LRCH3: variants seen among roughly 807,000 people sequenced by gnomAD.
LRCH3 encodes DISP complex protein LRCH3.
In LRCH3, 68 loss-of-function variants were observed where a neutral mutation model predicts 104.5. The observed-to-expected ratio is 0.65, with a 90% CI of 0.54 to 0.80. LRCH3 has a LOEUF of 0.80. Among genes scored for constraint, LRCH3 ranks in the 30% least tolerant of loss-of-function variants. LRCH3 has a pLI of 0.00. For missense variants in LRCH3, 951 were observed against 953.9 expected (o/e 1.00, Z 0.04); for synonymous variants, 344 against 361.3 (o/e 0.95, Z 0.54).
At chr3:197,808,742 A>G (rs1397621712) in intron 1 of LRCH3, among the ~76,000 whole-genome samples, 1 of 151,690 alleles carries the variant, frequency 6.6e-6, no homozygotes, top group East Asian at 2.0e-4. Flanking sequence ...GCGAAACCCC[A>G]TCTCTCCAAA....
At chr3:197,829,900 G>C (rs541087087) in intron 6 of LRCH3, among the ~76,000 whole-genome samples, 1 of 152,300 alleles carries the variant, frequency 6.6e-6, no homozygotes, top group African/African-American at 2.4e-5. Context: ...ATAATTCTTT[G>C]TTGTGATGGG....
chr3:197,793,437 G>C (rs778243178), intron 1 of LRCH3, among the ~76,000 whole-genome samples: 1 of 152,158 alleles, frequency 6.6e-6, no homozygotes, highest in Admixed American at 6.5e-5. Context: ...TCCTGCTTCT[G>C]TTTAGGAGAT....
intron 20 of LRCH3, among the ~76,000 whole-genome samples, chr3:197,879,217 C>A (rs1157601091): frequency 6.6e-6 from 1 of 152,078 alleles, no homozygotes; most frequent in Non-Finnish European, 1.5e-5. Flanking sequence ...ATGTCTGTCT[C>A]CCTGTTGTCA....
chr3:197,815,990 TAC>T (rs1733750885), intron 2 of LRCH3, among the ~76,000 whole-genome samples: 1 of 152,230 alleles, frequency 6.6e-6, no homozygotes, highest in Admixed American at 6.5e-5. Flanking sequence ...TATTTTGTTG[TAC>T]AGTTTATATA....
intron 5 of LRCH3, 121 bp from the exon 6 acceptor site, chr3:197,829,443 G>C: frequency 1.8e-6 from 1 of 552,296 alleles, no homozygotes; most frequent in South Asian, 2.9e-5. Context: ...AAATATTACT[G>C]TATGTACTTG....
In LRCH3 at chr3:197,835,877, A is replaced by G. The variant is rs1736722974; in HGVS notation, c.1251+55A>G. On this transcript the variant is annotated intron_variant, in intron 9 of 20. Transcript: ENST00000425562. ...TGCTATCCCTTCATAAAAATAATTC[A>G]TAATAGTATAAAGTTTTGTTATATC... 15 of 1,575,658 alleles carry G rather than the reference A, an allele frequency of 9.5e-6. No homozygotes were observed. In the South Asian group the frequency reaches 1.4e-4, roughly 14 times the overall value.
At chr3:197,830,312 G>T (rs112144021) in intron 6 of LRCH3, among the ~76,000 whole-genome samples, 2 of 152,164 alleles carry the variant, frequency 1.3e-5, no homozygotes, top group African/African-American at 2.4e-5. Context: ...AAACTCCTGA[G>T]CTCAAGCATT....
At chr3:197,824,104 G>A (rs1169898618) in intron 4 of LRCH3, among the ~76,000 whole-genome samples, 4 of 149,638 alleles carry the variant, frequency 2.7e-5, no homozygotes, top group African/African-American at 7.4e-5. Flanking sequence ...TTGCTCTGTC[G>A]CCCAGGCTGG....
intron 11 of LRCH3, 118 bp downstream of exon 11, chr3:197,847,578 A>G (rs1738919433): frequency 8.4e-6 from 7 of 832,802 alleles, no homozygotes; most frequent in Middle Eastern, 3.6e-4. Context: ...AGCTGTCTCA[A>G]TCGATTAATA....
At chr3:197,806,783 C>T (rs1732533874) in intron 1 of LRCH3, among the ~76,000 whole-genome samples, 1 of 150,724 alleles carries the variant, frequency 6.6e-6, no homozygotes, top group South Asian at 2.1e-4. Context: ...AACTCCTGAC[C>T]TCAAGTGATC....
intron 10 of LRCH3, among the ~76,000 whole-genome samples, chr3:197,843,722 GTTTACTT>G (rs1462761473): frequency 1.2e-4 from 18 of 152,118 alleles, no homozygotes; most frequent in African/African-American, 3.9e-4. Flanking sequence ...TAAAAGTCTG[GTTTACTT>G]AGCTCAAGTA....
rs79593046 is a variant in LRCH3 at position 197,837,271 on chromosome 3, T to C, written c.1251+1449T>C. On this transcript the variant is annotated intron_variant, in intron 9 of 20. Coordinates refer to ENST00000425562, the MANE Select transcript of LRCH3 (RefSeq NM_001365715.1). Reference sequence around the variant, plus strand: ...TTTTCCTGGTCTTTCTCTTTGATCATGTTATGGTTACTTAGGCTGTATAAA... The same window carrying C: ...TTTTCCTGGTCTTTCTCTTTGATCACGTTATGGTTACTTAGGCTGTATAAA... Among the ~76,000 whole-genome samples the C allele has an allele frequency of 2.3e-3, 345 of 152,346 alleles. 2 individuals carry two copies. The highest frequency in any genetic ancestry group is 7.9e-3 in the African/African-American group (327 of 41,578).
At chr3:197,877,471 CCAACTCACCGCACCCATGG>C (rs2109554653) in intron 20 of LRCH3, among the ~76,000 whole-genome samples, 6 of 85,660 alleles carry the variant, frequency 7.0e-5, no homozygotes, top group African/African-American at 1.9e-4. Flanking sequence ...TTCTCTTTAC[CCAACTCACCGCACCCATGG>C]CAGTGATTCT....
chr3:197,837,684 G>A (rs1216412201), intron 9 of LRCH3, among the ~76,000 whole-genome samples: 1 of 151,576 alleles, frequency 6.6e-6, no homozygotes, highest in African/African-American at 2.4e-5. Flanking sequence ...TTAAACCAAT[G>A]TCACATTCAT....
intron 17 of LRCH3, among the ~76,000 whole-genome samples, chr3:197,867,395 G>A (rs1048660202): frequency 1.3e-5 from 2 of 151,646 alleles, no homozygotes; most frequent in Non-Finnish European, 2.9e-5. Context: ...CAGCATGGAT[G>A]ACAGTGTGAA....
In LRCH3 at chr3:197,886,708, G is replaced by A. The variant is rs1330275166; in HGVS notation, c.*3042G>A. The stretch of plus-strand genomic sequence containing the variant: ...TAATCCCAGCTACTTGGGTGGCTGA[G>A]GCACAAGAATCGCTTCAACCTGGAA... On this transcript the variant is annotated 3_prime_UTR_variant, in exon 21 of 21. Transcript: ENST00000425562. 6.6e-6 allele frequency: 1 copy of A among 151,212 alleles called. No homozygotes were observed. Among genetic ancestry groups the A allele is most frequent in the Non-Finnish European group, 1.5e-5 (1 of 67,992 alleles). 9.4% of individuals were successfully genotyped at this position (151,212 alleles called of 1,614,324 possible).
Position 197,847,418 on chromosome 3 carries a change from T to C in LRCH3, c.1338T>C (p.Ala446=). The change falls in exon 11 of 21, where the codon GCT becomes GCC. Residue 446 remains alanine (A), a synonymous_variant. Coordinates refer to ENST00000425562, the MANE Select transcript of LRCH3 (RefSeq NM_001365715.1). ...TTCTTTTTTGGGTCAGGGTTCCAGCTGAGCCATCTTCCCTCCTGTCACTAT... is the reference window on the plus strand; with the variant it reads ...TTCTTTTTTGGGTCAGGGTTCCAGCCGAGCCATCTTCCCTCCTGTCACTAT... The part of the protein sequence containing the change: ...RRYLHQNRVP[A]EPSSLLSLSA... The C allele has an allele frequency of 6.3e-7, 1 of 1,599,216 alleles. No homozygotes were observed. Among genetic ancestry groups the C allele is most frequent in the South Asian group, 1.1e-5 (1 of 87,654 alleles).
At chr3:197,855,121 C>T (rs776924204) in intron 14 of LRCH3, among the ~76,000 whole-genome samples, 4 of 152,024 alleles carry the variant, frequency 2.6e-5, no homozygotes, top group South Asian at 2.1e-4. Flanking sequence ...CATAGTAGTA[C>T]GTTCAGAGGT....
intron 1 of LRCH3, among the ~76,000 whole-genome samples, chr3:197,802,607 T>C (rs1385817565): frequency 6.6e-6 from 1 of 152,212 alleles, no homozygotes; most frequent in Admixed American, 6.5e-5. Context: ...ATATGTTTGG[T>C]AGAATTCAGC....
Sources: gnomAD v4.1 joint callset for allele counts (sites outside exome capture counted in the v4.1 genomes callset) on GRCh38, gnomAD v4.1.1 for gene constraint, MANE v1.5 for transcripts, NCBI Gene and HGNC (gene_info 2026-07-23, HGNC 2026-07-21) for gene names.